The following CYP2J2 variants were observed in gnomAD, a reference collection of about 807,000 sequenced individuals.
CYP2J2 encodes cytochrome P450 2J2.
CYP2J2 carries 41 observed loss-of-function variants against 48.8 expected under a neutral mutation model. The observed-to-expected ratio is 0.84, with a 90% CI of 0.66 to 1.09. CYP2J2 has a LOEUF of 1.09. Among genes scored for constraint, CYP2J2 ranks in the 50% least tolerant of loss-of-function variants. The pLI is 0.00. For missense variants in CYP2J2, 644 were observed against 617.3 expected (o/e 1.04, Z -0.46); for synonymous variants, 221 against 227.1 (o/e 0.97, Z 0.24).
chr1:59,916,519 A>G (rs564961674), intron 1 of CYP2J2, among the ~76,000 whole-genome samples: 136 of 152,238 alleles, frequency 8.9e-4, no homozygotes, highest in African/African-American at 3.1e-3. Context: ...AAATTGCTTG[A>G]GCCAAGGAGT....
intron 1 of CYP2J2, among the ~76,000 whole-genome samples, chr1:59,926,274 G>A (rs3754206): frequency 0.27 from 40,664 of 152,080 alleles, 5,918 homozygotes; most frequent in African/African-American, 0.39. Context: ...CACATTACAA[G>A]TAAGGTGTTC....
intron 2 of CYP2J2, among the ~76,000 whole-genome samples, chr1:59,913,901 C>T (rs1559076815): frequency 2.0e-5 from 3 of 152,200 alleles, no homozygotes; most frequent in Admixed American, 6.5e-5. Flanking sequence ...TAACAGGAAC[C>T]TGCATGAACT....
chr1:59,901,097 T>C lies in CYP2J2; in HGVS notation c.1198A>G (p.Met400Val). The change falls in exon 8 of 9, where the codon ATG becomes GTG. Residue 400 changes from methionine to valine, a missense_variant. Physicochemically the swap from Met to Val is conservative, Grantham distance 21 (BLOSUM62 1). Transcript: ENST00000371204. Reference sequence around the variant, plus strand: ...AGCGCCGTCAAATTGGTCAGGATCATGGTACCCTAGAGAAAGCAGCAGAGA... The same window carrying C: ...AGCGCCGTCAAATTGGTCAGGATCACGGTACCCTAGAGAAAGCAGCAGAGA... ...LAGYHLPKGTMILTNLTALHR... is the reference protein window; with the variant it reads ...LAGYHLPKGTVILTNLTALHR... 1 of 1,613,446 alleles carries C rather than the reference T, an allele frequency of 6.2e-7. No homozygotes were observed. Among genetic ancestry groups the C allele is most frequent in the South Asian group, 1.1e-5 (1 of 91,048 alleles).
At chr1:59,918,132 G>C (rs1256897204) in intron 1 of CYP2J2, among the ~76,000 whole-genome samples, 4 of 152,178 alleles carry the variant, frequency 2.6e-5, no homozygotes, top group Non-Finnish European at 5.9e-5. Context: ...TGCTCCTAAA[G>C]TAAGCATCTT....
chr1:59,923,750 AAAC>A (rs1644537882), intron 1 of CYP2J2, among the ~76,000 whole-genome samples: 1 of 152,202 alleles, frequency 6.6e-6, no homozygotes, highest in Non-Finnish European at 1.5e-5. Flanking sequence ...TATTCAAACT[AAAC>A]AACACAGAGA....
the CYP2J2 span, among the ~76,000 whole-genome samples, chr1:59,953,353 T>C: frequency 1.4e-4 from 21 of 152,176 alleles, no homozygotes; most frequent in Admixed American, 1.2e-3. Flanking sequence ...CCTAGAACTA[T>C]GGTGATAATG....
At chr1:59,967,404 G>A in the CYP2J2 span, among the ~76,000 whole-genome samples, 12,436 of 152,240 alleles carry the variant, frequency 0.082, 533 homozygotes, top group Middle Eastern at 0.12. Context: ...CCTATTCTTT[G>A]AAGGAGAAAA....
At chr1:59,896,734 T>A (rs1446301501) in intron 8 of CYP2J2, among the ~76,000 whole-genome samples, 1 of 152,076 alleles carries the variant, frequency 6.6e-6, no homozygotes, top group Non-Finnish European at 1.5e-5. Flanking sequence ...GCTTACTTTC[T>A]CCCTAAGTAG....
upstream of CYP2J2, among the ~76,000 whole-genome samples, chr1:59,927,804 C>T (rs1463159797): frequency 6.6e-6 from 1 of 152,048 alleles, no homozygotes; most frequent in Non-Finnish European, 1.5e-5. Flanking sequence ...ATCTCCTGAC[C>T]ATAGGTGATC....
the CYP2J2 span, among the ~76,000 whole-genome samples, chr1:59,956,539 G>A: frequency 1.3e-5 from 2 of 152,002 alleles, no homozygotes; most frequent in Admixed American, 6.6e-5. Context: ...TTTAATAGAC[G>A]AAGTAATTTG....
At chr1:59,947,146 C>T in the CYP2J2 span, among the ~76,000 whole-genome samples, 45 of 151,480 alleles carry the variant, frequency 3.0e-4, no homozygotes, top group African/African-American at 1.1e-3. Context: ...TATGCTCCTC[C>T]TTGAGACTTA....
intron 1 of CYP2J2, 73 bp downstream of exon 1, chr1:59,926,464 T>C: frequency 7.5e-7 from 1 of 1,331,352 alleles, no homozygotes; most frequent in Non-Finnish European, 1.1e-6. Context: ...CCCACCCACG[T>C]TGCCGGAACG....
At chr1:59,954,079 T>C in the CYP2J2 span, among the ~76,000 whole-genome samples, 1 of 152,146 alleles carries the variant, frequency 6.6e-6, no homozygotes, top group Non-Finnish European at 1.5e-5. Flanking sequence ...AATCTTTGAG[T>C]CAGTGTCTTA....
At chr1:59,966,317 C>G in the CYP2J2 span, among the ~76,000 whole-genome samples, 11,438 of 152,198 alleles carry the variant, frequency 0.075, 464 homozygotes, top group African/African-American at 0.11. Context: ...CTACTTATAT[C>G]CTTTCATGGA....
At chr1:59,925,117 T>A (rs923819854) in intron 1 of CYP2J2, among the ~76,000 whole-genome samples, 1 of 152,142 alleles carries the variant, frequency 6.6e-6, no homozygotes. Flanking sequence ...TAAATGTGTA[T>A]GTGCAAAACA....
At chr1:59,906,882 C>G (rs1176933930) in intron 6 of CYP2J2, among the ~76,000 whole-genome samples, 2 of 152,176 alleles carry the variant, frequency 1.3e-5, no homozygotes, top group African/African-American at 4.8e-5. Context: ...ATGGGAAGCA[C>G]TCTGATCTTT....
At chr1:59,927,261 C>A (rs1409562952), upstream of CYP2J2, among the ~76,000 whole-genome samples, 1 of 152,178 alleles carries the variant, frequency 6.6e-6, no homozygotes, top group African/African-American at 2.4e-5. Flanking sequence ...CACATCTAAA[C>A]GAGGTCCTGT....
At chr1:59,968,455 G>A in the CYP2J2 span, among the ~76,000 whole-genome samples, 3 of 151,900 alleles carry the variant, frequency 2.0e-5, no homozygotes, top group African/African-American at 7.3e-5. Context: ...CTGTCAGGAC[G>A]CTTGGAGGGC....
chr1:59,950,716 TC>T, the CYP2J2 span, among the ~76,000 whole-genome samples: 6 of 152,172 alleles, frequency 3.9e-5, no homozygotes, highest in Non-Finnish European at 7.4e-5. Flanking sequence ...TTCATCTCAG[TC>T]CTGTGTGCAC....
Sources: gnomAD v4.1 joint callset for allele counts (sites outside exome capture counted in the v4.1 genomes callset) on GRCh38, gnomAD v4.1.1 for gene constraint, MANE v1.5 for transcripts, NCBI Gene and HGNC (gene_info 2026-07-23, HGNC 2026-07-21) for gene names.